Variants in CDC42SE2 observed in about 807,000 individuals in gnomAD.
CDC42SE2 encodes CDC42 small effector 2, also known as CDC42 small effector protein 2.
CDC42SE2 carries 3 observed loss-of-function variants against 11.5 expected under a neutral mutation model. The ratio of observed to expected loss-of-function variants is 0.26; its 90% CI spans 0.12 to 0.67. The LOEUF (loss-of-function observed/expected upper bound fraction) is 0.67. Among genes scored for constraint, CDC42SE2 ranks in the 30% least tolerant of loss-of-function variants. CDC42SE2 has a pLI of 0.80. For missense variants in CDC42SE2, 82 were observed against 106.8 expected (o/e 0.77, Z 1.02); for synonymous variants, 33 against 34.8 (o/e 0.95, Z 0.18).
intron 1 of CDC42SE2, among the ~76,000 whole-genome samples, chr5:131,284,618 A>G (rs985602775): frequency 3.3e-5 from 5 of 152,144 alleles, no homozygotes; most frequent in African/African-American, 1.2e-4. Flanking sequence ...CTACAGGCAC[A>G]TGTCATCATG....
chr5:131,311,919 C>G (rs866908671), intron 1 of CDC42SE2, among the ~76,000 whole-genome samples: 1 of 152,128 alleles, frequency 6.6e-6, no homozygotes, highest in Non-Finnish European at 1.5e-5. Flanking sequence ...GTAATTTGAT[C>G]GTCTGAAGCC....
chr5:131,340,452 GGAGCATTATCTTTCATGGTTAA>G (rs1758685059), intron 2 of CDC42SE2, among the ~76,000 whole-genome samples: 1 of 152,076 alleles, frequency 6.6e-6, no homozygotes, highest in Non-Finnish European at 1.5e-5. Flanking sequence ...TGAGGGCCTT[GGAGCATTATCTTTCATGGTTAA>G]GAGGGAACTA....
intron 1 of CDC42SE2, among the ~76,000 whole-genome samples, chr5:131,283,019 C>T (rs943998849): frequency 3.3e-5 from 5 of 151,242 alleles, no homozygotes; most frequent in Admixed American, 2.6e-4. Context: ...CCTCCACCTC[C>T]CGGGTTCAAG....
At chr5:131,332,996 G>A (rs955367258) in intron 2 of CDC42SE2, among the ~76,000 whole-genome samples, 17 of 152,030 alleles carry the variant, frequency 1.1e-4, no homozygotes, top group African/African-American at 4.1e-4. Context: ...ATCAATTTTG[G>A]CTTTTGTTGC....
rs564296400 is a variant in CDC42SE2 at position 131,345,261 on chromosome 5, A to AGAT, written c.-285-13945_-285-13943dup. ...CAAAGAAGCTAAAAACCTTGAAAAA[A>AGAT]GATGAGACGAATGGCTAACTAGAAA... On this transcript the variant is annotated intron_variant, in intron 2 of 4. Coordinates refer to ENST00000505065, the MANE Select transcript of CDC42SE2 (RefSeq NM_001375635.1). Among the ~76,000 whole-genome samples, 115 of 152,288 alleles carry AGAT rather than the reference A, an allele frequency of 7.6e-4. 1 individual carries two copies. The highest frequency in any genetic ancestry group is 3.4e-3 in the Middle Eastern group (1 of 294).
chr5:131,280,755 C>G (rs1295824043), intron 1 of CDC42SE2, among the ~76,000 whole-genome samples: 2 of 152,046 alleles, frequency 1.3e-5, no homozygotes, highest in Non-Finnish European at 2.9e-5. Context: ...TTTAGTCTGT[C>G]CAAGTCCGAC....
chr5:131,241,065 G>A (rs917442029), upstream of CDC42SE2, among the ~76,000 whole-genome samples: 2 of 152,020 alleles, frequency 1.3e-5, no homozygotes, highest in Non-Finnish European at 2.9e-5. Flanking sequence ...TGCAAGCTCC[G>A]CCTCCTGGGT....
At chr5:131,235,035 C>T in the CDC42SE2 span, among the ~76,000 whole-genome samples, 1 of 149,420 alleles carries the variant, frequency 6.7e-6, no homozygotes, top group Non-Finnish European at 1.5e-5. Context: ...ATTACAGGCA[C>T]CCGCCACCAC....
At chr5:131,261,063 C>T (rs1241327054), upstream of CDC42SE2, among the ~76,000 whole-genome samples, 1 of 152,200 alleles carries the variant, frequency 6.6e-6, no homozygotes, top group African/African-American at 2.4e-5. Context: ...TATATGAGCT[C>T]AAGGCTATTT....
At chr5:131,237,449 A>T in the CDC42SE2 span, among the ~76,000 whole-genome samples, 2 of 152,006 alleles carry the variant, frequency 1.3e-5, no homozygotes, top group South Asian at 2.1e-4. Flanking sequence ...ATTTTTCTTT[A>T]TATCTGAGGT....
At chr5:131,334,002 T>C (rs1758491177) in intron 2 of CDC42SE2, among the ~76,000 whole-genome samples, 1 of 152,182 alleles carries the variant, frequency 6.6e-6, no homozygotes. Context: ...AACACTATGT[T>C]GAATAGGAGT....
In CDC42SE2 at chr5:131,286,478, A is replaced by G. The variant is rs998675195; in HGVS notation, c.-455+22312A>G. 4.7e-5 allele frequency among the ~76,000 whole-genome samples: 7 copies of G among 149,952 alleles called. No individual in the cohort carries two copies. The East Asian group carries it at 1.4e-3, about 29-fold the overall frequency. On this transcript the variant is annotated intron_variant, in intron 1 of 4. Transcript: ENST00000505065. The stretch of plus-strand genomic sequence containing the variant: ...GGAGTGGTGAGAGGGAATGAATGCC[A>G]ACTATTTCATGACTAGCCTTCAGAA...
intron 2 of CDC42SE2, among the ~76,000 whole-genome samples, chr5:131,331,351 A>G (rs1435489463): frequency 6.6e-6 from 1 of 152,210 alleles, no homozygotes; most frequent in Admixed American, 6.5e-5. Context: ...TAATGCTTAT[A>G]AGAATCAACA....
chr5:131,240,853 G>T (rs1270579190), upstream of CDC42SE2, among the ~76,000 whole-genome samples: 2 of 152,062 alleles, frequency 1.3e-5, no homozygotes, highest in East Asian at 3.8e-4. Context: ...ATTCATTTTT[G>T]GTTTCATTGC....
chr5:131,358,793 A>G (rs1322131251), intron 2 of CDC42SE2, among the ~76,000 whole-genome samples: 1 of 152,166 alleles, frequency 6.6e-6, no homozygotes. Context: ...CTTAGAATTC[A>G]TTGCTGTGTC....
chr5:131,355,775 G>A (rs149613275), intron 2 of CDC42SE2, among the ~76,000 whole-genome samples: 1 of 151,748 alleles, frequency 6.6e-6, no homozygotes, highest in Non-Finnish European at 1.5e-5. Flanking sequence ...ATTTTTCTTT[G>A]GAAGTTGACC....
intron 1 of CDC42SE2, among the ~76,000 whole-genome samples, chr5:131,264,442 G>C (rs1756810119): frequency 6.6e-6 from 1 of 152,084 alleles, no homozygotes; most frequent in Non-Finnish European, 1.5e-5. Flanking sequence ...CACGGCAGGC[G>C]GACAGCTGAG....
chr5:131,313,368 A>G (rs1023039814), intron 1 of CDC42SE2, among the ~76,000 whole-genome samples: 1 of 152,152 alleles, frequency 6.6e-6, no homozygotes, highest in African/African-American at 2.4e-5. Flanking sequence ...AATAGCAGAA[A>G]TTAGTATTTG....
rs1412560478 is a variant in CDC42SE2 at position 131,383,782 on chromosome 5, A to T, written c.55-1761A>T. Among the ~76,000 whole-genome samples, 3 of 152,232 alleles carry T rather than the reference A, an allele frequency of 2.0e-5. No individual in the cohort carries two copies. The East Asian group carries it at 5.8e-4, about 29-fold the overall frequency. Reference sequence around the variant, plus strand: ...TGCTCTGCAGCTGCTTTCATGCTACAATAGCAGAGTTGAGTCAAAGCTACA... The same window carrying T: ...TGCTCTGCAGCTGCTTTCATGCTACTATAGCAGAGTTGAGTCAAAGCTACA... On this transcript the variant is annotated intron_variant, in intron 3 of 4. Transcript: ENST00000505065.
Sources: allele counts gnomAD v4.1 joint callset (sites outside exome capture counted in the v4.1 genomes callset), GRCh38; gene constraint gnomAD v4.1.1; transcripts MANE v1.5; gene names NCBI Gene and HGNC (gene_info 2026-07-23, HGNC 2026-07-21).